The following VGLL4 variants were observed in gnomAD, a reference collection of about 807,000 sequenced individuals.
VGLL4 encodes the protein vestigial like family member 4.
Under a neutral mutation model 21.0 loss-of-function variants are expected in VGLL4, and 7 were observed. The ratio of observed to expected loss-of-function variants is 0.33; its 90% confidence interval spans 0.19 to 0.63. VGLL4 has a LOEUF of 0.63. VGLL4 is among the 20% of genes least tolerant of loss of function. VGLL4 has a pLI of 0.78. For synonymous variants in VGLL4, 222 were observed against 173.2 expected (o/e 1.28, Z -2.21); for missense variants, 394 against 425.7 (o/e 0.93, Z 0.66).
At chr3:11,573,314 A>AAT (rs1292939411) in intron 2 of VGLL4, among the ~76,000 whole-genome samples, 1 of 13,756 alleles carries the variant, frequency 7.3e-5, no homozygotes, top group African/African-American at 4.3e-4. Flanking sequence ...AAAGGAAGGA[A>AAT]GGAAGAAAGA....
At chr3:11,670,655 C>A (rs1206262578) in intron 2 of VGLL4, among the ~76,000 whole-genome samples, 2 of 152,210 alleles carry the variant, frequency 1.3e-5, no homozygotes, top group Admixed American at 1.3e-4. Flanking sequence ...AAGTAAATGT[C>A]TATACTGACT....
intron 1 of VGLL4, among the ~76,000 whole-genome samples, chr3:11,709,255 G>C (rs1487632797): frequency 1.3e-5 from 2 of 151,404 alleles, no homozygotes; most frequent in Admixed American, 6.6e-5. Context: ...GGCCAACATA[G>C]AGAAACCCCG....
At chr3:11,579,629 G>C (rs2074167445) in intron 2 of VGLL4, among the ~76,000 whole-genome samples, 1 of 152,118 alleles carries the variant, frequency 6.6e-6, no homozygotes, top group South Asian at 2.1e-4. Flanking sequence ...CAACACTGAA[G>C]TGGCATCTCT....
intron 2 of VGLL4, chr3:11,699,405 T>C (rs1575542617): frequency 6.6e-6 from 1 of 152,232 alleles, no homozygotes; most frequent in African/African-American, 2.4e-5. Flanking sequence ...TTTGGACTTT[T>C]TTCCTCTCAT....
intron 2 of VGLL4, chr3:11,569,016 A>C: frequency 1.1e-6 from 1 of 912,122 alleles, no homozygotes; most frequent in Non-Finnish European, 1.3e-6. Context: ...GAGCTTTCTG[A>C]GTACTGAAAG....
chr3:11,564,616 T>C (rs1300999951), intron 3 of VGLL4, 181 bp downstream of exon 3: 2 of 727,528 alleles, frequency 2.7e-6, no homozygotes, highest in Non-Finnish European at 4.4e-6. Flanking sequence ...AGGACTCCTG[T>C]TCTGCTGTCC....
At position 11,559,420 on chromosome 3, in the gene VGLL4, G is replaced by A. The variant is rs533854355; in HGVS notation, c.531C>T (p.Gly177=). The change falls in exon 4 of 5, where the codon GGC becomes GGT. Residue 177 remains glycine, a synonymous_variant. Coordinates refer to ENST00000430365, the MANE Select transcript of VGLL4 (RefSeq NM_001128219.3). ...RPSVITCASA[G]ARNCNLSHCP... is the part of the protein sequence containing the mutation. ...AGTGCGAGAGGTTGCAGTTGCGGGC[G>A]CCAGCCGAGGCACAGGTGATCACGG... The A allele has an allele frequency of 7.5e-5, 117 of 1,563,832 alleles. 2 individuals are homozygous for A. Among genetic ancestry groups the A allele is most frequent in the South Asian group, 5.4e-4 (46 of 85,022 alleles).
In VGLL4 at chr3:11,580,519, A is replaced by C. The variant is rs2074194722; in HGVS notation, c.273-15500T>G. On this transcript the variant is annotated intron_variant, in intron 2 of 4. Coordinates refer to ENST00000430365, the MANE Select transcript of VGLL4 (RefSeq NM_001128219.3). Reference sequence around the variant, plus strand: ...ATTTCGTGTGTATACCTATAAGCAGAATTGCTGCATCATATGATAATTCTG... The same window carrying C: ...ATTTCGTGTGTATACCTATAAGCAGCATTGCTGCATCATATGATAATTCTG... Among the ~76,000 whole-genome samples, 3 of 152,368 alleles carry C rather than the reference A, an allele frequency of 2.0e-5. 1 individual carries two copies. In the South Asian group the frequency reaches 6.2e-4, roughly 32 times the overall value.
chr3:11,569,603 G>A (rs910722308), intron 2 of VGLL4, among the ~76,000 whole-genome samples: 7 of 152,228 alleles, frequency 4.6e-5, no homozygotes, highest in Non-Finnish European at 1.0e-4. Context: ...TGAGTGGGCC[G>A]GGACACAGCC....
At chr3:11,613,547 C>G (rs1295579117) in intron 1 of VGLL4, among the ~76,000 whole-genome samples, 1 of 152,168 alleles carries the variant, frequency 6.6e-6, no homozygotes, top group Non-Finnish European at 1.5e-5. Flanking sequence ...CACGTGGTCC[C>G]GGGTACTGTT....
At chr3:11,626,957 T>TGGGGGGGGG (rs2075361867) in intron 1 of VGLL4, among the ~76,000 whole-genome samples, 1 of 19,434 alleles carries the variant, frequency 5.1e-5, no homozygotes, top group Non-Finnish European at 1.0e-4. Context: ...TGGCTGGGGG[T>TGGGGGGGGG]GGGGGTGGGG....
chr3:11,721,472 A>T (rs1267041352), upstream of VGLL4, among the ~76,000 whole-genome samples: 2 of 152,250 alleles, frequency 1.3e-5, no homozygotes, highest in Non-Finnish European at 2.9e-5. Flanking sequence ...AAGTCAACCT[A>T]GGAATAGGTC....
chr3:11,681,473 T>C (rs1015464254), intron 2 of VGLL4, among the ~76,000 whole-genome samples: 9 of 152,202 alleles, frequency 5.9e-5, no homozygotes, highest in African/African-American at 1.7e-4. Context: ...GGGAGCCCGC[T>C]GTGATACAGC....
chr3:11,662,594 G>A (rs775070152), intron 2 of VGLL4, among the ~76,000 whole-genome samples: 2 of 152,240 alleles, frequency 1.3e-5, no homozygotes, highest in Admixed American at 6.5e-5. Flanking sequence ...TAGAGGGACT[G>A]AGAAAGCTGA....
chr3:11,631,859 G>A (rs1282367276), intron 1 of VGLL4, among the ~76,000 whole-genome samples: 2 of 152,152 alleles, frequency 1.3e-5, no homozygotes, highest in Non-Finnish European at 2.9e-5. Flanking sequence ...CCCCAGGTTT[G>A]CATTTTATCT....
intron 3 of VGLL4, among the ~76,000 whole-genome samples, chr3:11,560,881 G>C (rs564405009): frequency 6.6e-6 from 1 of 152,262 alleles, no homozygotes; most frequent in Non-Finnish European, 1.5e-5. Context: ...ACAGGGCCTC[G>C]GGTGAGAGAC....
chr3:11,685,365 A>C (rs1297064425), intron 2 of VGLL4, among the ~76,000 whole-genome samples: 1 of 152,012 alleles, frequency 6.6e-6, no homozygotes, highest in East Asian at 1.9e-4. Flanking sequence ...CAGCTGGCTA[A>C]TTTTTGTATT....
At chr3:11,595,085 C>A (rs1202274171) in intron 2 of VGLL4, among the ~76,000 whole-genome samples, 1 of 152,156 alleles carries the variant, frequency 6.6e-6, no homozygotes, top group Non-Finnish European at 1.5e-5. Flanking sequence ...CGCTGGAACC[C>A]AGGAGGTGGA....
At chr3:11,585,552 A>C (rs1309466691) in intron 2 of VGLL4, among the ~76,000 whole-genome samples, 1 of 152,154 alleles carries the variant, frequency 6.6e-6, no homozygotes, top group African/African-American at 2.4e-5. Context: ...GTCTTGTTTC[A>C]GATTTGTAGG....
Sources: gnomAD v4.1 joint callset for allele counts (sites outside exome capture counted in the v4.1 genomes callset) on GRCh38, gnomAD v4.1.1 for gene constraint, MANE v1.5 for transcripts, NCBI Gene and HGNC (gene_info 2026-07-23, HGNC 2026-07-21) for gene names.